Variants in SMARCAL1 observed in about 807,000 individuals in gnomAD.
SMARCAL1 encodes SNF2 related chromatin remodeling annealing helicase 1.
In SMARCAL1, 58 loss-of-function variants were observed where a neutral mutation model predicts 94.5. The observed-to-expected ratio is 0.61, with a 90% CI of 0.50 to 0.76. SMARCAL1 has a LOEUF of 0.76. SMARCAL1 is among the 30% of genes least tolerant of loss of function. The probability of loss-of-function intolerance (pLI) is 0.00; values close to 1 mark genes in which losing one functional copy is unlikely to be tolerated. For synonymous variants in SMARCAL1, 422 were observed against 455.1 expected (o/e 0.93, Z 0.93); for missense variants, 1,051 against 1,177.9 (o/e 0.89, Z 1.58).
At chr2:216,470,533 A>G (rs111637301) in intron 14 of SMARCAL1, among the ~76,000 whole-genome samples, 5,076 of 150,510 alleles carry the variant, frequency 0.034, 98 homozygotes, top group Middle Eastern at 0.068. Flanking sequence ...TATCTCCCAC[A>G]CTGGAGTTCA....
chr2:216,418,380 C>G (rs1336109832), intron 4 of SMARCAL1, among the ~76,000 whole-genome samples: 1 of 152,204 alleles, frequency 6.6e-6, no homozygotes, highest in African/African-American at 2.4e-5. Context: ...TGCATCTTTA[C>G]CAATGTGTTA....
chr2:216,441,260 A>G (rs558629188), intron 10 of SMARCAL1, among the ~76,000 whole-genome samples: 1 of 152,234 alleles, frequency 6.6e-6, no homozygotes, highest in Non-Finnish European at 1.5e-5. Flanking sequence ...CAGTCAGCAG[A>G]GAGAAGGTGT....
intron 10 of SMARCAL1, among the ~76,000 whole-genome samples, chr2:216,441,591 G>A (rs1694197130): frequency 6.6e-6 from 1 of 152,186 alleles, no homozygotes; most frequent in Admixed American, 6.5e-5. Flanking sequence ...CAGACATGCG[G>A]TTGTTTTCCA....
chr2:216,457,215 C>T (rs1694586617), intron 12 of SMARCAL1, among the ~76,000 whole-genome samples: 1 of 152,176 alleles, frequency 6.6e-6, no homozygotes, highest in Non-Finnish European at 1.5e-5. Flanking sequence ...TACAAAGAGA[C>T]TTAGACTCCC....
At chr2:216,471,427 G>A (rs1385412278) in intron 14 of SMARCAL1, among the ~76,000 whole-genome samples, 2 of 150,788 alleles carry the variant, frequency 1.3e-5, no homozygotes, top group Non-Finnish European at 2.9e-5. Flanking sequence ...TGCAATCTCA[G>A]CTGACTGCAA....
intron 12 of SMARCAL1, among the ~76,000 whole-genome samples, chr2:216,463,465 G>GC (rs1559135261): frequency 6.6e-6 from 1 of 152,048 alleles, no homozygotes; most frequent in Admixed American, 6.6e-5. Flanking sequence ...TCTCCCAGAT[G>GC]CCCCACTTCC....
intron 5 of SMARCAL1, 52 bp from the exon 6 acceptor site, chr2:216,423,581 G>A (rs368208255): frequency 2.2e-5 from 31 of 1,425,456 alleles, no homozygotes; most frequent in East Asian, 4.5e-5. Flanking sequence ...GTGTGATCAC[G>A]TAGCAGAAGG....
chr2:216,474,484 G>A (rs1286147107), intron 14 of SMARCAL1, among the ~76,000 whole-genome samples: 1 of 149,244 alleles, frequency 6.7e-6, no homozygotes, highest in African/African-American at 2.4e-5. Flanking sequence ...GCCAGGTGCA[G>A]TGGCTCACGC....
At chr2:216,435,537 G>A (rs773195998) in intron 9 of SMARCAL1, 41 bp downstream of exon 9, 1 of 1,568,888 alleles carries the variant, frequency 6.4e-7, no homozygotes, top group Admixed American at 1.7e-5. Flanking sequence ...TTATCTCTCT[G>A]GAAACTTTCT....
intron 10 of SMARCAL1, among the ~76,000 whole-genome samples, chr2:216,439,417 T>C (rs987539183): frequency 6.6e-6 from 1 of 152,036 alleles, no homozygotes; most frequent in Non-Finnish European, 1.5e-5. Flanking sequence ...AAGTTAGAAG[T>C]TTCTCACAGA....
At chr2:216,457,791 A>G (rs935714173) in intron 12 of SMARCAL1, among the ~76,000 whole-genome samples, 1 of 152,236 alleles carries the variant, frequency 6.6e-6, no homozygotes, top group Admixed American at 6.5e-5. Flanking sequence ...GAGAAGCAAG[A>G]GCAAACATTC....
At chr2:216,450,095 C>T (rs576533480) in intron 11 of SMARCAL1, among the ~76,000 whole-genome samples, 12 of 152,282 alleles carry the variant, frequency 7.9e-5, no homozygotes, top group Admixed American at 2.0e-4. Flanking sequence ...AGTGATCCTC[C>T]TGCCTCCGCC....
At chr2:216,436,363 A>G (rs1160121903) in intron 9 of SMARCAL1, among the ~76,000 whole-genome samples, 1 of 152,172 alleles carries the variant, frequency 6.6e-6, no homozygotes, top group Non-Finnish European at 1.5e-5. Context: ...AACTCCTCAC[A>G]TACTTCCTAA....
intron 1 of SMARCAL1, among the ~76,000 whole-genome samples, chr2:216,413,153 G>T (rs1372942886): frequency 7.0e-6 from 1 of 143,288 alleles, no homozygotes; most frequent in African/African-American, 2.5e-5. Context: ...TGGTGGGGGA[G>T]GGGGGAGGGG....
In SMARCAL1 at chr2:216,420,510, A is replaced by G; in HGVS notation, c.1074A>G (p.Lys358=). The change falls in exon 5 of 18, where the codon AAA becomes AAG. Residue 358 remains lysine (K), a synonymous_variant. Coordinates refer to ENST00000357276, the MANE Select transcript of SMARCAL1 (RefSeq NM_014140.4). ...SYSQDLIALF[K]QMDSRRYDVK... is the part of the protein sequence containing the mutation. ...CACAGGACCTTATTGCGCTTTTTAA[A>G]CAGATGGATTCCAGAAGATATGGCA... The G allele has an allele frequency of 6.2e-7, 1 of 1,613,930 alleles. No individual in the cohort carries two copies. The highest frequency in any genetic ancestry group is 8.5e-7 in the Non-Finnish European group (1 of 1,179,774).
At chr2:216,416,090 T>C (rs1693594709) in intron 3 of SMARCAL1, 167 bp from the exon 4 acceptor site, 1 of 655,434 alleles carries the variant, frequency 1.5e-6, no homozygotes, top group Non-Finnish European at 2.8e-6. Flanking sequence ...AAAAGAATTA[T>C]CTATATTTAC....
chr2:216,468,991 G>C (rs148670902), intron 14 of SMARCAL1, among the ~76,000 whole-genome samples: 57 of 152,076 alleles, frequency 3.7e-4, no homozygotes, highest in African/African-American at 1.3e-3. Context: ...TGGATTACAG[G>C]CATGAGCCAC....
intron 8 of SMARCAL1, among the ~76,000 whole-genome samples, chr2:216,433,652 C>G (rs1217482442): frequency 6.6e-6 from 1 of 152,088 alleles, no homozygotes; most frequent in Non-Finnish European, 1.5e-5. Context: ...CAGAGCCTGA[C>G]AAGAAAACTG....
Position 216,482,723 on chromosome 2 carries a change from C to T in SMARCAL1, c.2626-15C>T. 2 of 1,614,168 alleles carry T rather than the reference C, an allele frequency of 1.2e-6. No individual in the cohort carries two copies. On this transcript the variant is annotated splice_polypyrimidine_tract_variant and intron_variant, in intron 17 of 17. Coordinates refer to ENST00000357276, the MANE Select transcript of SMARCAL1 (RefSeq NM_014140.4). This position sits in a 1 kb window ranked among gnomAD's most constrained non-coding sequence, Gnocchi z 4.3. Reference sequence around the variant, plus strand: ...GGCTCTTCCTTTTATCTTTTGTTTTCTTTCTCTGATGAAGGACCCAAAGCA... The same window carrying T: ...GGCTCTTCCTTTTATCTTTTGTTTTTTTTCTCTGATGAAGGACCCAAAGCA...
Sources: gnomAD v4.1 joint callset for allele counts (sites outside exome capture counted in the v4.1 genomes callset) on GRCh38, gnomAD v4.1.1 for gene constraint, Gnocchi (gnomAD v3.1) non-coding constraint, MANE v1.5 for transcripts, NCBI Gene and HGNC (gene_info 2026-07-23, HGNC 2026-07-21) for gene names.